UVRAG: variants seen among roughly 807,000 people sequenced by gnomAD.
UVRAG encodes the protein UV radiation resistance-associated gene protein.
Under a neutral mutation model 78.0 loss-of-function variants are expected in UVRAG, and 19 were observed. The observed-to-expected ratio is 0.24, with a 90% CI of 0.17 to 0.36. UVRAG has a LOEUF of 0.36. Ranked by LOEUF, UVRAG falls within the 10% of genes least tolerant of loss-of-function variation. UVRAG has a pLI of 1.00. For synonymous variants in UVRAG, 323 were observed against 324.6 expected, an observed-to-expected ratio of 1.00 and a Z score of 0.05; for missense variants, 740 against 853.8, an observed-to-expected ratio of 0.87 and a Z score of 1.66.
chr11:76,085,939 A>C (rs1246635206), intron 13 of UVRAG, among the ~76,000 whole-genome samples: 1 of 152,130 alleles, frequency 6.6e-6, no homozygotes, highest in African/African-American at 2.4e-5. Context: ...GCTGACACCC[A>C]GTGCCCTCAT....
At chr11:75,869,546 TTAAC>T (rs1946605687) in intron 3 of UVRAG, among the ~76,000 whole-genome samples, 1 of 152,222 alleles carries the variant, frequency 6.6e-6, no homozygotes, top group Non-Finnish European at 1.5e-5. Flanking sequence ...TTCTGTCTGT[TTAAC>T]TACATGATTT....
intron 8 of UVRAG, among the ~76,000 whole-genome samples, chr11:75,999,944 A>G (rs1355045045): frequency 6.6e-6 from 1 of 152,202 alleles, no homozygotes; most frequent in East Asian, 1.9e-4. Context: ...ATTTCGGATA[A>G]GGTATGCTCA....
chr11:76,099,019 C>T (rs1951833445), intron 13 of UVRAG, among the ~76,000 whole-genome samples: 1 of 152,174 alleles, frequency 6.6e-6, no homozygotes, highest in South Asian at 2.1e-4. Context: ...TAAGTCTCCA[C>T]TCACTGGCCT....
intron 14 of UVRAG, among the ~76,000 whole-genome samples, chr11:76,134,550 C>T (rs1952568756): frequency 6.6e-6 from 1 of 152,078 alleles, no homozygotes; most frequent in Non-Finnish European, 1.5e-5. Context: ...ATAAGAGAAA[C>T]AGTAAAGGGA....
At position 75,816,488 on chromosome 11, in the gene UVRAG, T is replaced by C. The variant is rs189726330; in HGVS notation, c.117+964T>C. 1.4e-4 allele frequency among the ~76,000 whole-genome samples: 22 copies of C among 152,338 alleles called. No individual in the cohort carries two copies. In the East Asian group the frequency reaches 4.2e-3, roughly 29 times the overall value. On this transcript the variant is annotated intron_variant, in intron 1 of 14. Coordinates refer to ENST00000356136, the MANE Select transcript of UVRAG (RefSeq NM_003369.4). ...AGAGAAACTGTCATTTACTGAGAACTTACCGTGTTGGATTTGTGCAAAGGG... is the reference window on the plus strand; with the variant it reads ...AGAGAAACTGTCATTTACTGAGAACCTACCGTGTTGGATTTGTGCAAAGGG...
chr11:76,037,539 CAAAAAAA>C (rs61354759), intron 12 of UVRAG, among the ~76,000 whole-genome samples: 10,446 of 48,428 alleles, frequency 0.22, 727 homozygotes, highest in African/African-American at 0.36. Flanking sequence ...TTTGTCTTTA[CAAAAAAA>C]AAAAAAAAAA....
intron 6 of UVRAG, among the ~76,000 whole-genome samples, chr11:75,936,764 T>A (rs1180226469): frequency 6.6e-6 from 1 of 152,204 alleles, no homozygotes; most frequent in Non-Finnish European, 1.5e-5. Context: ...AAACCCACTG[T>A]TGATTGACTT....
At chr11:75,876,635 TATC>T (rs746178923) in intron 3 of UVRAG, among the ~76,000 whole-genome samples, 2 of 151,638 alleles carry the variant, frequency 1.3e-5, no homozygotes, top group South Asian at 2.1e-4. Flanking sequence ...TGTGCTAGGT[TATC>T]ATCATGTTAT....
intron 7 of UVRAG, among the ~76,000 whole-genome samples, chr11:75,968,236 A>G (rs887022562): frequency 6.6e-6 from 1 of 152,212 alleles, no homozygotes; most frequent in Non-Finnish European, 1.5e-5. Context: ...AGAGACTCAT[A>G]AATAGGAATG....
intron 7 of UVRAG, among the ~76,000 whole-genome samples, chr11:75,965,406 G>T (rs1255351878): frequency 6.6e-6 from 1 of 152,160 alleles, no homozygotes; most frequent in Non-Finnish European, 1.5e-5. Context: ...CCGACTTCCG[G>T]GTTCACACCA....
intron 12 of UVRAG, among the ~76,000 whole-genome samples, chr11:76,050,982 G>A (rs143245264): frequency 3.4e-4 from 52 of 151,968 alleles, no homozygotes; most frequent in African/African-American, 1.2e-3. Context: ...CTCAAAATAG[G>A]TATCAGCACA....
At chr11:76,048,528 A>G (rs189789781) in intron 12 of UVRAG, among the ~76,000 whole-genome samples, 3 of 152,304 alleles carry the variant, frequency 2.0e-5, no homozygotes, top group Admixed American at 2.0e-4. Context: ...CAGATCAGTG[A>G]TCCTTGGAAT....
chr11:76,075,685 A>C (rs1228528519), intron 13 of UVRAG, among the ~76,000 whole-genome samples: 1 of 152,114 alleles, frequency 6.6e-6, no homozygotes, highest in African/African-American at 2.4e-5. Context: ...ACCACGGTCA[A>C]TTATAGAACA....
chr11:75,880,015 A>C lies in UVRAG; in HGVS notation c.407A>C (p.Asp136Ala). 1 of 1,614,138 alleles carries C rather than the reference A, an allele frequency of 6.2e-7. No homozygotes were observed. The highest frequency in any genetic ancestry group is 8.5e-7 in the Non-Finnish European group (1 of 1,180,008). The part of the protein sequence containing the change: ...QLLIEWKVCL[D>A]GLKYLGQQIH... ...TTGATTGAATGGAAAGTCTGTTTGG[A>C]TGGGCTGAAATACTTGGGTCAGCAG... is the stretch of plus-strand genomic sequence containing the variant. Residue 136 changes from aspartate (D) to alanine (A), a missense_variant, in exon 4 of 15, where the codon GAT becomes GCT. Coordinates refer to ENST00000356136, the MANE Select transcript of UVRAG (RefSeq NM_003369.4).
intron 13 of UVRAG, among the ~76,000 whole-genome samples, chr11:76,080,908 G>T (rs1285030897): frequency 6.6e-6 from 1 of 152,214 alleles, no homozygotes; most frequent in African/African-American, 2.4e-5. Context: ...GTTGCCACTT[G>T]ATAACTGTGG....
chr11:75,820,265 A>C (rs1293928714), intron 1 of UVRAG, among the ~76,000 whole-genome samples: 1 of 152,218 alleles, frequency 6.6e-6, no homozygotes, highest in Admixed American at 6.5e-5. Context: ...GGCATAAGCC[A>C]CTACGCCCAG....
chr11:76,031,884 T>C (rs1950444497), intron 12 of UVRAG, among the ~76,000 whole-genome samples: 1 of 152,212 alleles, frequency 6.6e-6, no homozygotes, highest in Non-Finnish European at 1.5e-5. Flanking sequence ...CAGTCCATTA[T>C]TATTTATCAT....
chr11:75,988,233 T>G (rs568420068), intron 8 of UVRAG, among the ~76,000 whole-genome samples: 1 of 152,364 alleles, frequency 6.6e-6, no homozygotes, highest in Admixed American at 6.5e-5. Context: ...TGATAACATT[T>G]CTATCATTGT....
intron 14 of UVRAG, among the ~76,000 whole-genome samples, chr11:76,131,800 C>G (rs1263087397): frequency 6.6e-6 from 1 of 152,178 alleles, no homozygotes; most frequent in African/African-American, 2.4e-5. Context: ...ATGCTTAAAA[C>G]TATTAACCCC....
Sources: gnomAD v4.1 joint callset for allele counts (sites outside exome capture counted in the v4.1 genomes callset) on GRCh38, gnomAD v4.1.1 for gene constraint, MANE v1.5 for transcripts, NCBI Gene and HGNC (gene_info 2026-07-23, HGNC 2026-07-21) for gene names.